The following GATAD2B variants were observed in gnomAD, a reference collection of about 807,000 sequenced individuals.
The protein encoded by GATAD2B is GATA zinc finger domain containing 2B.
GATAD2B carries 8 observed loss-of-function variants against 64.3 expected under a neutral mutation model. That is an observed-to-expected ratio of 0.12 (90% CI 0.07 to 0.22). The LOEUF is 0.22. GATAD2B is among the 10% of genes least tolerant of loss of function. The probability of loss-of-function intolerance (pLI) is 1.00; values close to 1 mark genes in which losing one functional copy is unlikely to be tolerated. For missense variants in GATAD2B, 453 were observed against 752.0 expected (o/e 0.60, Z 4.65); for synonymous variants, 281 against 271.3 (o/e 1.04, Z -0.35).
intron 1 of GATAD2B, among the ~76,000 whole-genome samples, chr1:153,832,139 C>T (rs985957643): frequency 5.9e-5 from 9 of 151,938 alleles, no homozygotes; most frequent in Admixed American, 4.6e-4. Flanking sequence ...CACTTGAACC[C>T]GGGAGGCAGA....
intron 1 of GATAD2B, among the ~76,000 whole-genome samples, chr1:153,844,821 GTTAGTGGGTGC>G (rs1377699471): frequency 5.3e-5 from 8 of 149,790 alleles, no homozygotes. Context: ...TAGATGACGA[GTTAGTGGGTGC>G]AGCCCACCAG....
At chr1:153,813,978 AAAC>A (rs751687147) in intron 7 of GATAD2B, among the ~76,000 whole-genome samples, 22 of 152,248 alleles carry the variant, frequency 1.4e-4, no homozygotes, top group African/African-American at 4.3e-4. Flanking sequence ...ACTCAGTCTC[AAAC>A]AACAACAACA....
At chr1:153,829,611 C>A (rs1469886580) in intron 1 of GATAD2B, among the ~76,000 whole-genome samples, 1 of 152,030 alleles carries the variant, frequency 6.6e-6, no homozygotes, top group African/African-American at 2.4e-5. Context: ...GTGGCGGGCG[C>A]CTGTAATCCC....
At chr1:153,838,509 T>C (rs971935561) in intron 1 of GATAD2B, among the ~76,000 whole-genome samples, 6 of 152,014 alleles carry the variant, frequency 3.9e-5, no homozygotes, top group Non-Finnish European at 5.9e-5. Flanking sequence ...CTGCCTCTTT[T>C]TTTTTCCCCC....
At chr1:153,891,250 T>G (rs1223058980) in intron 1 of GATAD2B, among the ~76,000 whole-genome samples, 46 of 113,862 alleles carry the variant, frequency 4.0e-4, no homozygotes, top group Admixed American at 6.4e-4. Flanking sequence ...AAGAAAGAGG[T>G]GAAAAAAAAA....
At chr1:153,882,676 G>A (rs965478373) in intron 1 of GATAD2B, among the ~76,000 whole-genome samples, 5 of 152,120 alleles carry the variant, frequency 3.3e-5, no homozygotes, top group Admixed American at 6.6e-5. Flanking sequence ...CTGTGTCATA[G>A]CTAGAACACT....
intron 1 of GATAD2B, among the ~76,000 whole-genome samples, chr1:153,867,306 A>G (rs934424533): frequency 1.3e-5 from 2 of 152,126 alleles, no homozygotes; most frequent in Admixed American, 6.6e-5. Context: ...TTATACTACA[A>G]TATATCTGGC....
chr1:153,899,738 A>C (rs1233408297), intron 1 of GATAD2B, among the ~76,000 whole-genome samples: 1 of 152,192 alleles, frequency 6.6e-6, no homozygotes, highest in Non-Finnish European at 1.5e-5. Flanking sequence ...ATTGCTGGCC[A>C]GCCACACTAC....
chr1:153,897,097 C>T (rs1008337987), intron 1 of GATAD2B, among the ~76,000 whole-genome samples: 3 of 150,110 alleles, frequency 2.0e-5, no homozygotes, highest in Non-Finnish European at 4.4e-5. Flanking sequence ...GGCACGATCT[C>T]GGCTCACTGC....
At chr1:153,886,522 CT>C (rs960423174) in intron 1 of GATAD2B, 610 of 113,932 alleles carry the variant, frequency 5.4e-3, no homozygotes, top group South Asian at 6.6e-3. Context: ...AATAGTTTTC[CT>C]TTTTTTTTTT....
chr1:153,876,286 G>T (rs1676832784), intron 1 of GATAD2B, among the ~76,000 whole-genome samples: 1 of 141,978 alleles, frequency 7.0e-6, no homozygotes, highest in South Asian at 2.2e-4. Flanking sequence ...AAATGGCTGG[G>T]CGTGGTTAAA....
intron 1 of GATAD2B, among the ~76,000 whole-genome samples, chr1:153,874,248 C>G (rs1032007567): frequency 1.3e-4 from 19 of 148,002 alleles, no homozygotes; most frequent in Middle Eastern, 6.4e-3. Flanking sequence ...GGAGACAGAG[C>G]AACACTCCGT....
At chr1:153,909,727 C>CA (rs1156261235) in intron 1 of GATAD2B, among the ~76,000 whole-genome samples, 5 of 149,000 alleles carry the variant, frequency 3.4e-5, no homozygotes, top group Non-Finnish European at 7.4e-5. Context: ...ATCACAAGGT[C>CA]AGGAGTTCGA....
intron 1 of GATAD2B, among the ~76,000 whole-genome samples, chr1:153,838,606 C>G (rs1435254037): frequency 2.0e-5 from 3 of 152,044 alleles, no homozygotes; most frequent in Non-Finnish European, 4.4e-5. Context: ...GTTCAAGCGA[C>G]TCTCATGCCT....
intron 1 of GATAD2B, among the ~76,000 whole-genome samples, chr1:153,835,839 C>A (rs886540019): frequency 6.6e-6 from 1 of 151,938 alleles, no homozygotes; most frequent in African/African-American, 2.4e-5. Flanking sequence ...TCTACTGCCT[C>A]AGCCTCCTGA....
intron 1 of GATAD2B, among the ~76,000 whole-genome samples, chr1:153,860,394 G>C (rs990932167): frequency 1.3e-5 from 2 of 152,060 alleles, no homozygotes; most frequent in Admixed American, 1.3e-4. Flanking sequence ...GAGTGCAGTG[G>C]TGCAATCAAA....
intron 2 of GATAD2B, among the ~76,000 whole-genome samples, chr1:153,821,874 T>C (rs1674697290): frequency 6.6e-6 from 1 of 151,946 alleles, no homozygotes. Flanking sequence ...CCTGAATTCA[T>C]TTTTAAAGCG....
chr1:153,852,083 G>A, intron 1 of GATAD2B: 1 of 561,484 alleles, frequency 1.8e-6, no homozygotes, highest in Non-Finnish European at 3.2e-6. Flanking sequence ...ATCATTCACT[G>A]GTGACAGGGG....
intron 1 of GATAD2B, among the ~76,000 whole-genome samples, chr1:153,884,778 G>C (rs1044239843): frequency 6.6e-6 from 1 of 151,250 alleles, no homozygotes; most frequent in African/African-American, 2.4e-5. Flanking sequence ...TCTTTTTTTC[G>C]AGACAGTCTC....
Sources: gnomAD v4.1 joint callset for allele counts (sites outside exome capture counted in the v4.1 genomes callset) on GRCh38, gnomAD v4.1.1 for gene constraint, MANE v1.5 for transcripts, NCBI Gene and HGNC (gene_info 2026-07-23, HGNC 2026-07-21) for gene names.